LAP3: variants seen among roughly 807,000 people sequenced by gnomAD.
LAP3 encodes the protein leucine aminopeptidase 3.
A neutral mutation model predicts 58.8 loss-of-function variants in LAP3; 46 were observed. The ratio of observed to expected loss-of-function variants is 0.78; its 90% CI spans 0.62 to 1.00. The LOEUF (loss-of-function observed/expected upper bound fraction) is 1.00. Among genes scored for constraint, LAP3 ranks in the 50% least tolerant of loss-of-function variants. LAP3 has a pLI of 0.00. For missense variants in LAP3, 615 were observed against 659.1 expected, an observed-to-expected ratio of 0.93 and a Z score of 0.73; for synonymous variants, 257 against 237.7, an observed-to-expected ratio of 1.08 and a Z score of -0.75.
rs975289702 is a variant in LAP3 at position 17,602,713 on chromosome 4, G to A, written c.1181-1875G>A. Among the ~76,000 whole-genome samples the A allele has an allele frequency of 1.7e-4, 26 of 151,342 alleles. No homozygotes were observed. The East Asian group carries it at 3.7e-3, about 22-fold the overall frequency. ...TAATTTTTTCTCTTTTTTTTGAGAC[G>A]GAGTCTCACTCTGTTGCCCAGGCTG... On this transcript the variant is annotated intron_variant, in intron 10 of 12. Coordinates refer to ENST00000226299, the MANE Select transcript of LAP3 (RefSeq NM_015907.3).
Position 17,583,487 on chromosome 4 carries a change from G to C in LAP3, c.384G>C (p.Gly128=). The C allele has an allele frequency of 6.2e-7, 1 of 1,613,662 alleles. No homozygotes were observed. The highest frequency in any genetic ancestry group is 1.3e-5 in the African/African-American group (1 of 75,004). The stretch of plus-strand genomic sequence containing the variant: ...TGATTCCTCTGTCTTTTCAAGCGGG[G>C]TGCAGGCAGATTCAAGACCTGGAGC... The part of the protein sequence containing the change: ...KENIRAAVAA[G]CRQIQDLELS... Residue 128 remains glycine, a synonymous_variant, in exon 5 of 13, where the codon GGG becomes GGC. Transcript: ENST00000226299.
intron 7 of LAP3, among the ~76,000 whole-genome samples, chr4:17,591,231 C>G (rs1342169278): frequency 1.3e-5 from 2 of 152,030 alleles, no homozygotes; most frequent in Non-Finnish European, 2.9e-5. Context: ...TGCCTGCTAC[C>G]ACTCCTGGCT....
At position 17,585,060 on chromosome 4, in the gene LAP3, A is replaced by G; in HGVS notation, c.628A>G (p.Met210Val). ...RQLMETPANE[M>V]TPTRFAEIIE... ...ATTGATGGAGACGCCAGCCAATGAGATGACGCCAACCAGATTTGCTGAAAT... is the reference window on the plus strand; with the variant it reads ...ATTGATGGAGACGCCAGCCAATGAGGTGACGCCAACCAGATTTGCTGAAAT... Residue 210 changes from methionine (M) to valine (V), a missense_variant, in exon 6 of 13, where the codon ATG (methionine) becomes GTG (valine). Transcript: ENST00000226299. 1 of 1,614,090 alleles carries G rather than the reference A, an allele frequency of 6.2e-7. No homozygotes were observed. Among genetic ancestry groups the G allele is most frequent in the Non-Finnish European group, 8.5e-7 (1 of 1,179,950 alleles).
chr4:17,591,858 C>G (rs1044197194), intron 7 of LAP3, among the ~76,000 whole-genome samples: 1 of 152,146 alleles, frequency 6.6e-6, no homozygotes, highest in Non-Finnish European at 1.5e-5. Context: ...GCTCTGAGAA[C>G]AGTTGGCCGT....
At position 17,577,464 on chromosome 4, in the gene LAP3, A is replaced by G. The variant is rs764779204; in HGVS notation, c.-2A>G. ...GGCGGTGCGAGGGGCCGAGCCGACAAGATGTTCTTGCTGCCTCTTCCGGCT... is the reference window on the plus strand; with the variant it reads ...GGCGGTGCGAGGGGCCGAGCCGACAGGATGTTCTTGCTGCCTCTTCCGGCT... On this transcript the variant is annotated 5_prime_UTR_variant, in exon 1 of 13. Coordinates refer to ENST00000226299, the MANE Select transcript of LAP3 (RefSeq NM_015907.3). The G allele has an allele frequency of 1.3e-6, 2 of 1,570,486 alleles. No individual in the cohort carries two copies. The highest frequency in any genetic ancestry group is 1.2e-5 in the South Asian group (1 of 85,704).
At chr4:17,594,889 CTA>C (rs1040397047) in intron 7 of LAP3, among the ~76,000 whole-genome samples, 3 of 152,220 alleles carry the variant, frequency 2.0e-5, no homozygotes, top group Admixed American at 6.5e-5. Context: ...GCTGAATAGA[CTA>C]TGTGGGTGTC....
chr4:17,607,562 A>T lies in LAP3; in HGVS notation c.1533A>T (p.Leu511Phe). 6.2e-7 allele frequency: 1 copy of T among 1,613,300 alleles called. No homozygotes were observed. ...CCACAAGGACTCTCATTGAGTTCTTACTTCGTTTCAGTCAAGACAATGCTT... is the reference window on the plus strand; with the variant it reads ...CCACAAGGACTCTCATTGAGTTCTTTCTTCGTTTCAGTCAAGACAATGCTT... ...GRPTRTLIEF[L>F]LRFSQDNA Residue 511 changes from leucine to phenylalanine, a missense_variant, in exon 13 of 13, where the codon TTA (leucine) becomes TTT (phenylalanine). Physicochemically the swap from Leu to Phe is conservative, Grantham distance 22. Transcript: ENST00000226299.
Position 17,596,587 on chromosome 4 carries a change from C to T in LAP3, c.989-459C>T, listed in dbSNP as rs1713836715. On this transcript the variant is annotated intron_variant, in intron 8 of 12. Transcript: ENST00000226299. ...CTCCTGACCTCAGGTGATCTGCCCG[C>T]CTTGGCCTCTCAAAATGCTGGGATT... Among the ~76,000 whole-genome samples the T allele has an allele frequency of 6.6e-5, 10 of 152,278 alleles. No individual in the cohort carries two copies. The South Asian group carries it at 2.1e-3, about 32-fold the overall frequency.
chr4:17,593,137 A>G (rs1287136666), intron 7 of LAP3, among the ~76,000 whole-genome samples: 2 of 152,208 alleles, frequency 1.3e-5, no homozygotes, highest in African/African-American at 2.4e-5. Context: ...GGACATTGGT[A>G]TATCTTCTGT....
In LAP3 at chr4:17,577,316, C is replaced by A; in HGVS notation, c.-150C>A. ...CAGTCGGCCGGTGCTGCCCATCCGTCCCGCCCCCTAGACGCACGTCCGCTC... is the reference window on the plus strand; with the variant it reads ...CAGTCGGCCGGTGCTGCCCATCCGTACCGCCCCCTAGACGCACGTCCGCTC... On this transcript the variant is annotated 5_prime_UTR_variant, in exon 1 of 13. Coordinates refer to ENST00000226299, the MANE Select transcript of LAP3 (RefSeq NM_015907.3). 1 of 300,194 alleles carries A rather than the reference C, an allele frequency of 3.3e-6. No individual in the cohort carries two copies. Among genetic ancestry groups the A allele is most frequent in the Non-Finnish European group, 5.4e-6 (1 of 184,424 alleles). The allele number at this position is 300,194 out of a possible 1,614,324, so 18.6% of individuals were successfully genotyped here.
intron 8 of LAP3, 115 bp from the exon 9 acceptor site, chr4:17,596,931 C>T (rs767465412): frequency 7.7e-5 from 62 of 802,228 alleles, no homozygotes; most frequent in Admixed American, 1.0e-4. Flanking sequence ...TTGATCAGTT[C>T]GTTAAGGTGG....
chr4:17,606,855 C>G lies in LAP3; in HGVS notation c.1287C>G (p.Val429=). The G allele has an allele frequency of 6.2e-7, 1 of 1,612,846 alleles. No individual in the cohort carries two copies. The highest frequency in any genetic ancestry group is 2.2e-5 in the East Asian group (1 of 44,866). ...FEASIETGDR[V]WRMPLFEHYT... is the part of the protein sequence containing the mutation. ...CCAGCATTGAAACAGGGGACCGTGT[C>G]TGGAGGATGCCTCTCTTCGAACATT... Residue 429 remains valine (V), a synonymous_variant, in exon 12 of 13, where the codon GTC becomes GTG. Transcript: ENST00000226299.
In LAP3 at chr4:17,577,226, G is replaced by GGGCGCACACGAATGCT; in HGVS notation, c.-225_-224insTGGCGCACACGAATGC. On this transcript the variant is annotated 5_prime_UTR_variant, in exon 1 of 13. It adds an upstream start codon to the 5' untranslated region. Transcript: ENST00000226299. ...CACGAATGCGGGCGCACACGAATGC[G>GGGCGCACACGAATGCT]GGCGCACACGAATGCGGGCGCACCC... is the stretch of plus-strand genomic sequence containing the variant. 1 of 364,168 alleles carries GGGCGCACACGAATGCT rather than the reference G, an allele frequency of 2.7e-6. No individual in the cohort carries two copies. Among genetic ancestry groups the GGGCGCACACGAATGCT allele is most frequent in the Non-Finnish European group, 4.9e-6 (1 of 203,968 alleles). The allele number at this position is 364,168 out of a possible 1,614,324, so 22.6% of individuals were successfully genotyped here. A position where few individuals can be genotyped will look rare whatever the true frequency, so the allele number is the denominator to read the frequency against.
chr4:17,591,418 G>A (rs746900199), intron 7 of LAP3, among the ~76,000 whole-genome samples: 2 of 152,084 alleles, frequency 1.3e-5, no homozygotes, highest in Admixed American at 6.6e-5. Flanking sequence ...TGGGATTACC[G>A]GTGTGAGCCA....
chr4:17,583,465 T>G lies in LAP3; in HGVS notation c.380-18T>G, dbSNP rs374244690. The stretch of plus-strand genomic sequence containing the variant: ...TCTTGGACTGACTCCAGTTTTCTGA[T>G]TCCTCTGTCTTTTCAAGCGGGGTGC... On this transcript the variant is annotated intron_variant, in intron 4 of 12. Transcript: ENST00000226299. The G allele has an allele frequency of 3.1e-6, 5 of 1,612,768 alleles. No individual in the cohort carries two copies. The highest frequency in any genetic ancestry group is 4.2e-6 in the Non-Finnish European group (5 of 1,179,904).
At chr4:17,582,574 G>T in intron 4 of LAP3, 181 bp downstream of exon 4, 1 of 561,876 alleles carries the variant, frequency 1.8e-6, no homozygotes, top group South Asian at 2.3e-5. Context: ...AAATACAGAA[G>T]GTTAGCTAAT....
chr4:17,583,369 C>A, intron 4 of LAP3, 114 bp from the exon 5 acceptor site: 1 of 1,092,140 alleles, frequency 9.2e-7, no homozygotes, highest in Non-Finnish European at 1.3e-6. Context: ...GGTATCAGGG[C>A]TGGGATTTGA....
At position 17,577,236 on chromosome 4, in the gene LAP3, G is replaced by C; in HGVS notation, c.-230G>C. 2.7e-6 allele frequency: 1 copy of C among 369,216 alleles called. No homozygotes were observed. Among genetic ancestry groups the C allele is most frequent in the Non-Finnish European group, 4.7e-6 (1 of 212,456 alleles). 22.9% of individuals were successfully genotyped at this position (369,216 alleles called of 1,614,324 possible). A position where few individuals can be genotyped will look rare whatever the true frequency, so the allele number is the denominator to read the frequency against. ...GGCGCACACGAATGCGGGCGCACAC[G>C]AATGCGGGCGCACCCTTGAGTCCCC... On this transcript the variant is annotated 5_prime_UTR_variant, in exon 1 of 13. Transcript: ENST00000226299.
At position 17,607,583 on chromosome 4, in the gene LAP3, T is replaced by C. The variant is rs1714176112; in HGVS notation, c.1554T>C (p.Asn518=). 1 of 1,609,432 alleles carries C rather than the reference T, an allele frequency of 6.2e-7. No individual in the cohort carries two copies. Among genetic ancestry groups the C allele is most frequent in the African/African-American group, 1.3e-5 (1 of 74,802 alleles). ...TCTTACTTCGTTTCAGTCAAGACAATGCTTAGTTCAGATACTCAAAAATGT... is the reference window on the plus strand; with the variant it reads ...TCTTACTTCGTTTCAGTCAAGACAACGCTTAGTTCAGATACTCAAAAATGT... ...IEFLLRFSQD[N]A The change falls in exon 13 of 13, where the codon AAT becomes AAC. Residue 518 remains asparagine (N), a synonymous_variant. Coordinates refer to ENST00000226299, the MANE Select transcript of LAP3 (RefSeq NM_015907.3).
Sources: allele counts gnomAD v4.1 joint callset (sites outside exome capture counted in the v4.1 genomes callset), GRCh38; gene constraint gnomAD v4.1.1; transcripts MANE v1.5; gene names NCBI Gene and HGNC (gene_info 2026-07-23, HGNC 2026-07-21).